Variants in AGBL1 observed in about 807,000 individuals in gnomAD.
AGBL1 encodes AGBL carboxypeptidase 1, also known as cytosolic carboxypeptidase 4.
In AGBL1, 130 loss-of-function variants were observed where a neutral mutation model predicts 118.9. The ratio of observed to expected loss-of-function variants is 1.09; its 90% CI spans 0.95 to 1.26. AGBL1 has a LOEUF of 1.26. AGBL1 is among the 50% of genes most tolerant of loss of function. The pLI is 0.00. For synonymous variants in AGBL1, 555 were observed against 478.9 expected, an observed-to-expected ratio of 1.16 and a Z score of -2.08; for missense variants, 1,584 against 1,298.1, an observed-to-expected ratio of 1.22 and a Z score of -3.38.
intron 19 of AGBL1, among the ~76,000 whole-genome samples, chr15:86,543,378 A>G (rs370739458): frequency 1.3e-5 from 2 of 152,120 alleles, no homozygotes; most frequent in East Asian, 1.9e-4. Flanking sequence ...TATTGCTACT[A>G]TTTTTCTTTA....
At position 86,537,966 on chromosome 15, in the gene AGBL1, T is replaced by A. The variant is rs540189861; in HGVS notation, c.2686-8036T>A. Among the ~76,000 whole-genome samples the A allele has an allele frequency of 2.0e-5, 3 of 152,308 alleles. No homozygotes were observed. In the East Asian group the frequency reaches 5.8e-4, roughly 29 times the overall value. Reference sequence around the variant, plus strand: ...ACAAAGCCACATATTAGATTGTATGTTTTTGGGTTGATTTACAGGCGCTCT... The same window carrying A: ...ACAAAGCCACATATTAGATTGTATGATTTTGGGTTGATTTACAGGCGCTCT... On this transcript the variant is annotated intron_variant, in intron 19 of 22. Transcript: ENST00000614907.
At chr15:86,702,422 G>T (rs1339710782) in intron 22 of AGBL1, among the ~76,000 whole-genome samples, 1 of 152,040 alleles carries the variant, frequency 6.6e-6, no homozygotes, top group Non-Finnish European at 1.5e-5. Context: ...ATATATAGTA[G>T]GTGCTCAATA....
At chr15:86,324,415 T>C (rs2080152752) in intron 17 of AGBL1, among the ~76,000 whole-genome samples, 1 of 152,184 alleles carries the variant, frequency 6.6e-6, no homozygotes, top group Non-Finnish European at 1.5e-5. Context: ...AAGGGCCTTC[T>C]CTAGGCTTAG....
intron 18 of AGBL1, among the ~76,000 whole-genome samples, chr15:86,438,236 G>A (rs542665042): frequency 7.2e-4 from 110 of 152,212 alleles, no homozygotes; most frequent in Non-Finnish European, 1.2e-3. Flanking sequence ...AGTGGTGAAT[G>A]TTATAGGTGG....
intron 22 of AGBL1, among the ~76,000 whole-genome samples, chr15:86,676,670 C>T (rs771618108): frequency 2.6e-5 from 4 of 152,094 alleles, no homozygotes; most frequent in Admixed American, 6.5e-5. Context: ...CCTCTACCAC[C>T]CTCCTCTCCT....
chr15:86,900,462 A>G (rs1268515031), intron 22 of AGBL1, among the ~76,000 whole-genome samples: 1 of 152,118 alleles, frequency 6.6e-6, no homozygotes, highest in African/African-American at 2.4e-5. Flanking sequence ...ATGGGAAAAT[A>G]ATTTATCCAT....
At chr15:86,080,773 C>A (rs545576684) in intron 1 of AGBL1, among the ~76,000 whole-genome samples, 2 of 152,200 alleles carry the variant, frequency 1.3e-5, no homozygotes, top group South Asian at 4.2e-4. Flanking sequence ...AAAACTCCCC[C>A]GGGGTCTCCA....
intron 22 of AGBL1, among the ~76,000 whole-genome samples, chr15:86,832,068 G>A (rs925004695): frequency 3.9e-5 from 6 of 152,012 alleles, no homozygotes; most frequent in Non-Finnish European, 5.9e-5. Flanking sequence ...GCTCTATGTC[G>A]GCCCCTTTTA....
chr15:86,763,123 A>G (rs1187034597), intron 22 of AGBL1, among the ~76,000 whole-genome samples: 1 of 152,022 alleles, frequency 6.6e-6, no homozygotes, highest in Non-Finnish European at 1.5e-5. Flanking sequence ...GTTCCAAATC[A>G]CACTCCTTTA....
chr15:86,552,958 T>C (rs2083684052), intron 20 of AGBL1, among the ~76,000 whole-genome samples: 1 of 151,922 alleles, frequency 6.6e-6, no homozygotes. Flanking sequence ...AGATGATTAA[T>C]AATTATAATT....
chr15:86,773,548 T>C (rs2078211323), intron 22 of AGBL1, among the ~76,000 whole-genome samples: 2 of 133,172 alleles, frequency 1.5e-5, no homozygotes, highest in Non-Finnish European at 3.1e-5. Flanking sequence ...TTCCCCTTAC[T>C]GTGTCCATGT....
At chr15:86,896,639 T>G (rs2080132032) in intron 22 of AGBL1, among the ~76,000 whole-genome samples, 2 of 152,208 alleles carry the variant, frequency 1.3e-5, no homozygotes, top group African/African-American at 4.8e-5. Context: ...GTTTCTTTTT[T>G]AAAATTAGCA....
chr15:86,556,152 A>G (rs1220063666), intron 21 of AGBL1: 13 of 1,329,896 alleles, frequency 9.8e-6, no homozygotes, highest in East Asian at 2.4e-5. Context: ...TGGAAACTCA[A>G]AGTTCTCTGG....
At chr15:86,226,330 G>T (rs2078362303) in intron 6 of AGBL1, among the ~76,000 whole-genome samples, 1 of 152,180 alleles carries the variant, frequency 6.6e-6, no homozygotes. Flanking sequence ...AGGAAAAGAT[G>T]CTGAGAGCAG....
At chr15:86,887,426 C>G (rs1159925072) in intron 22 of AGBL1, among the ~76,000 whole-genome samples, 4 of 152,180 alleles carry the variant, frequency 2.6e-5, no homozygotes, top group African/African-American at 9.6e-5. Context: ...CTTCACTGAG[C>G]TCAACAGGGC....
At chr15:86,651,660 T>C (rs1334480849) in intron 21 of AGBL1, among the ~76,000 whole-genome samples, 2 of 152,160 alleles carry the variant, frequency 1.3e-5, no homozygotes, top group Non-Finnish European at 2.9e-5. Context: ...CACTCCTCTT[T>C]CTTCTCATTT....
At chr15:86,392,304 T>C (rs2081299757) in intron 17 of AGBL1, among the ~76,000 whole-genome samples, 1 of 152,206 alleles carries the variant, frequency 6.6e-6, no homozygotes, top group South Asian at 2.1e-4. Flanking sequence ...CTGTTTTGCA[T>C]ATTATTTCCT....
chr15:86,242,668 C>T (rs957096875), intron 6 of AGBL1, among the ~76,000 whole-genome samples: 14 of 152,176 alleles, frequency 9.2e-5, no homozygotes, highest in African/African-American at 3.4e-4. Flanking sequence ...GCTTCCAATA[C>T]GTTACTTTGC....
intron 17 of AGBL1, among the ~76,000 whole-genome samples, chr15:86,355,743 A>G (rs943670536): frequency 6.6e-6 from 1 of 152,190 alleles, no homozygotes. Flanking sequence ...TGGACTGGGG[A>G]ACAGCAGGTG....
Sources: gnomAD v4.1 joint callset for allele counts (sites outside exome capture counted in the v4.1 genomes callset) on GRCh38, gnomAD v4.1.1 for gene constraint, MANE v1.5 for transcripts, NCBI Gene and HGNC (gene_info 2026-07-23, HGNC 2026-07-21) for gene names.